PRICKLE2: variants seen among roughly 807,000 people sequenced by gnomAD.
The protein encoded by PRICKLE2 is prickle planar cell polarity protein 2, also known as prickle-like protein 2.
PRICKLE2 carries 21 observed loss-of-function variants against 81.4 expected under a neutral mutation model. The ratio of observed to expected loss-of-function variants is 0.26; its 90% CI spans 0.18 to 0.37. PRICKLE2 has a LOEUF of 0.37. PRICKLE2 is among the 10% of genes least tolerant of loss of function. The pLI, the probability that PRICKLE2 is intolerant of heterozygous loss-of-function variation, is 1.00. For missense variants in PRICKLE2, 940 were observed against 1,109.0 expected, an observed-to-expected ratio of 0.85 and a Z score of 2.16; for synonymous variants, 456 against 421.5, an observed-to-expected ratio of 1.08 and a Z score of -1.00.
At chr3:64,116,270 ATATAAAAAC>A (rs2076932970) in intron 7 of PRICKLE2, among the ~76,000 whole-genome samples, 1 of 152,172 alleles carries the variant, frequency 6.6e-6, no homozygotes, top group Admixed American at 6.5e-5. Context: ...TAACAACTTA[ATATAAAAAC>A]TAAAAGAACT....
chr3:64,259,314 C>G (rs958295110), intron 2 of PRICKLE2, among the ~76,000 whole-genome samples: 1 of 152,140 alleles, frequency 6.6e-6, no homozygotes, highest in Admixed American at 6.5e-5. Context: ...AGTTTTATCT[C>G]ATTTAATTTT....
intron 7 of PRICKLE2, among the ~76,000 whole-genome samples, chr3:64,134,604 A>T (rs1437207298): frequency 6.7e-6 from 1 of 148,756 alleles, no homozygotes; most frequent in Non-Finnish European, 1.5e-5. Flanking sequence ...TATTACAACC[A>T]AAAATGCCTC....
At chr3:64,123,581 C>G (rs2077062153) in intron 7 of PRICKLE2, among the ~76,000 whole-genome samples, 1 of 152,186 alleles carries the variant, frequency 6.6e-6, no homozygotes, top group East Asian at 1.9e-4. Flanking sequence ...CTATCAGCAC[C>G]ATTTTTCCAA....
chr3:64,250,081 G>C (rs1473581105), intron 2 of PRICKLE2, among the ~76,000 whole-genome samples: 1 of 152,042 alleles, frequency 6.6e-6, no homozygotes, highest in Non-Finnish European at 1.5e-5. Flanking sequence ...AGCAAGCACT[G>C]GTCTCACCTC....
chr3:64,209,611 C>T (rs1282243028), intron 1 of PRICKLE2, among the ~76,000 whole-genome samples: 1 of 152,156 alleles, frequency 6.6e-6, no homozygotes, highest in Non-Finnish European at 1.5e-5. Flanking sequence ...GCCAACCAAC[C>T]TACCAACCAA....
intron 1 of PRICKLE2, among the ~76,000 whole-genome samples, chr3:64,220,419 C>G (rs185466660): frequency 3.7e-4 from 57 of 152,292 alleles, no homozygotes; most frequent in Non-Finnish European, 4.9e-4. Flanking sequence ...ACCTATCACT[C>G]GAGGCAGGCT....
rs2078520260 is a variant in PRICKLE2 at position 64,199,128 on chromosome 3, C to T, written c.-40-161G>A. The stretch of plus-strand genomic sequence containing the variant: ...GAGCAGTGTTCCAGAACATGACTGT[C>T]TTTGCAGAGGGCGTGGTACACGCAT... On this transcript the variant is annotated intron_variant, in intron 1 of 7. Transcript: ENST00000638394. 10 of 690,486 alleles carry T rather than the reference C, an allele frequency of 1.4e-5. No homozygotes were observed. In the South Asian group the frequency reaches 1.8e-4, roughly 12 times the overall value. 42.8% of individuals were successfully genotyped at this position (690,486 alleles called of 1,614,324 possible).
intron 2 of PRICKLE2, among the ~76,000 whole-genome samples, chr3:64,197,062 C>T (rs993431708): frequency 6.6e-6 from 1 of 152,158 alleles, no homozygotes; most frequent in Admixed American, 6.5e-5. Context: ...TGAGCAATGG[C>T]TAATCAATGA....
intron 2 of PRICKLE2, among the ~76,000 whole-genome samples, chr3:64,166,194 G>C (rs572802027): frequency 6.6e-6 from 1 of 152,074 alleles, no homozygotes; most frequent in Non-Finnish European, 1.5e-5. Context: ...CAAAGGTTAA[G>C]GTTTCCCACA....
intron 5 of PRICKLE2, among the ~76,000 whole-genome samples, chr3:64,155,458 T>A (rs1007315072): frequency 1.3e-5 from 2 of 152,036 alleles, no homozygotes; most frequent in African/African-American, 4.8e-5. Context: ...AATGTTATAC[T>A]TGTTTTGGAA....
At chr3:64,208,893 T>C (rs2078737884) in intron 1 of PRICKLE2, among the ~76,000 whole-genome samples, 1 of 152,290 alleles carries the variant, frequency 6.6e-6, no homozygotes, top group African/African-American at 2.4e-5. Context: ...TCTTATTCCA[T>C]CCATATCCAT....
chr3:64,222,018 C>T (rs114711119), intron 1 of PRICKLE2, among the ~76,000 whole-genome samples: 1,767 of 152,226 alleles, frequency 0.012, 38 homozygotes, highest in African/African-American at 0.04. Context: ...TCAGTTTCTC[C>T]GTTAAATAAA....
chr3:64,221,655 G>A (rs1374921106), intron 1 of PRICKLE2, among the ~76,000 whole-genome samples: 1 of 152,082 alleles, frequency 6.6e-6, no homozygotes, highest in Non-Finnish European at 1.5e-5. Context: ...AGTCATGGAG[G>A]GAATGAACAG....
intron 2 of PRICKLE2, among the ~76,000 whole-genome samples, chr3:64,176,234 G>A (rs112214650): frequency 3.3e-5 from 5 of 152,148 alleles, no homozygotes; most frequent in African/African-American, 9.7e-5. Context: ...ATACAATCAG[G>A]TTCCGTTATT....
chr3:64,155,643 T>C (rs1359127172), intron 5 of PRICKLE2, among the ~76,000 whole-genome samples: 4 of 152,188 alleles, frequency 2.6e-5, no homozygotes, highest in Admixed American at 6.5e-5. Context: ...CATCAATTGA[T>C]ACATGGCTAG....
intron 7 of PRICKLE2, among the ~76,000 whole-genome samples, chr3:64,142,990 C>T (rs190201187): frequency 2.2e-4 from 33 of 152,142 alleles, no homozygotes; most frequent in Non-Finnish European, 2.6e-4. Context: ...GACTCCAGAA[C>T]CAGTAATCCT....
intron 2 of PRICKLE2, among the ~76,000 whole-genome samples, chr3:64,261,405 T>C (rs1376378241): frequency 6.6e-6 from 1 of 152,178 alleles, no homozygotes; most frequent in Non-Finnish European, 1.5e-5. Flanking sequence ...GAAGATGGGA[T>C]TTAAATGATG....
chr3:64,111,792 G>C (rs1192903013), intron 7 of PRICKLE2, among the ~76,000 whole-genome samples: 1 of 152,190 alleles, frequency 6.6e-6, no homozygotes, highest in Non-Finnish European at 1.5e-5. Context: ...GGGGGCATGA[G>C]GGAGCTTCTA....
chr3:64,211,181 A>C lies in PRICKLE2; in HGVS notation c.-40-12214T>G, dbSNP rs575119164. 2.0e-5 allele frequency among the ~76,000 whole-genome samples: 3 copies of C among 152,328 alleles called. No individual in the cohort carries two copies. In the South Asian group the frequency reaches 6.2e-4, roughly 32 times the overall value. On this transcript the variant is annotated intron_variant, in intron 1 of 7. Coordinates refer to ENST00000638394, the MANE Select transcript of PRICKLE2 (RefSeq NM_198859.4). The stretch of plus-strand genomic sequence containing the variant: ...CAGGCAAGACAAGCAGGCTCAACCA[A>C]CAAGGTAGAGTTTCTACAGAAGCAG...
Sources: allele counts gnomAD v4.1 joint callset (sites outside exome capture counted in the v4.1 genomes callset), GRCh38; gene constraint gnomAD v4.1.1; transcripts MANE v1.5; gene names NCBI Gene and HGNC (gene_info 2026-07-23, HGNC 2026-07-21).